The following CNBD1 variants were observed in gnomAD, a reference collection of about 807,000 sequenced individuals.
The protein encoded by CNBD1 is cyclic nucleotide binding domain containing 1.
Under a neutral mutation model 54.4 loss-of-function variants are expected in CNBD1, and 71 were observed. The observed-to-expected ratio is 1.30, with a 90% confidence interval of 1.08 to 1.59. CNBD1 has a LOEUF of 1.59. Among genes scored for constraint, CNBD1 ranks in the 40% most tolerant of loss-of-function variants. CNBD1 has a pLI of 0.00. For missense variants in CNBD1, 659 were observed against 518.0 expected (o/e 1.27, Z -2.64); for synonymous variants, 182 against 170.7 (o/e 1.07, Z -0.51).
intron 8 of CNBD1, among the ~76,000 whole-genome samples, chr8:87,315,588 T>G (rs1809368561): frequency 6.6e-6 from 1 of 151,922 alleles, no homozygotes; most frequent in Non-Finnish European, 1.5e-5. Context: ...ACTCACGCCT[T>G]ACCCCGAAGG....
At chr8:87,368,891 C>A (rs1810699428) in intron 10 of CNBD1, among the ~76,000 whole-genome samples, 1 of 151,772 alleles carries the variant, frequency 6.6e-6, no homozygotes, top group Non-Finnish European at 1.5e-5. Context: ...AAATGCCAGG[C>A]CCGCTTCCAA....
chr8:87,171,790 A>G (rs1275779311), intron 4 of CNBD1, among the ~76,000 whole-genome samples: 6 of 150,120 alleles, frequency 4.0e-5, no homozygotes, highest in African/African-American at 1.5e-4. Flanking sequence ...GGTGCCCACC[A>G]CCACGCCTGG....
chr8:87,263,603 A>C (rs1330099332), intron 6 of CNBD1, among the ~76,000 whole-genome samples: 1 of 152,210 alleles, frequency 6.6e-6, no homozygotes, highest in African/African-American at 2.4e-5. Flanking sequence ...CATCCAACGA[A>C]CACAGTTCTG....
intron 4 of CNBD1, among the ~76,000 whole-genome samples, chr8:87,039,271 G>A (rs1395741288): frequency 6.6e-6 from 1 of 151,920 alleles, no homozygotes; most frequent in African/African-American, 2.4e-5. Context: ...GTTTTTATGG[G>A]TATAAAACAT....
At chr8:87,375,212 G>A (rs537001297) in intron 10 of CNBD1, among the ~76,000 whole-genome samples, 32 of 151,848 alleles carry the variant, frequency 2.1e-4, no homozygotes, top group African/African-American at 7.7e-4. Flanking sequence ...TGTAATTAAT[G>A]CACTTTCACA....
In CNBD1 at chr8:86,905,187, G is replaced by A. The variant is rs267602036; in HGVS notation, c.265G>A (p.Glu89Lys). ...ACTTCCTAAACTTTTCAAACAGGAG[G>A]AACAAAGGTAATGATACCTTCTTTT... is the stretch of plus-strand genomic sequence containing the variant. ...PRLPKLFKQE[E>K]QRELNEGKEE... The change falls in exon 3 of 11, where the codon GAA becomes AAA. Residue 89 changes from glutamate (E) to lysine (K), a missense_variant. Transcript: ENST00000518476. 1 of 1,583,794 alleles carries A rather than the reference G, an allele frequency of 6.3e-7. No individual in the cohort carries two copies. Among genetic ancestry groups the A allele is most frequent in the Non-Finnish European group, 8.7e-7 (1 of 1,153,534 alleles).
At chr8:87,403,665 T>C (rs1807604628) in intron 2 of CNBD1, among the ~76,000 whole-genome samples, 1 of 151,992 alleles carries the variant, frequency 6.6e-6, no homozygotes, top group Admixed American at 6.6e-5. Context: ...AGTAGCTTTT[T>C]TAAAAAAATT....
At chr8:87,070,534 C>T (rs1810739739) in intron 4 of CNBD1, among the ~76,000 whole-genome samples, 1 of 152,012 alleles carries the variant, frequency 6.6e-6, no homozygotes, top group South Asian at 2.1e-4. Context: ...TCTCTGCTCT[C>T]TCAAAAATAC....
chr8:87,275,812 A>G (rs559840424), intron 6 of CNBD1, among the ~76,000 whole-genome samples: 1 of 151,820 alleles, frequency 6.6e-6, no homozygotes, highest in South Asian at 2.1e-4. Context: ...ATGATTGTAT[A>G]TCTAGAAAAC....
intron 2 of CNBD1, among the ~76,000 whole-genome samples, chr8:86,889,491 C>T (rs1808733072): frequency 6.6e-6 from 1 of 151,870 alleles, no homozygotes; most frequent in Non-Finnish European, 1.5e-5. Context: ...CACTTTTCCC[C>T]TATAATAAAA....
chr8:87,411,396 T>TCATATATA (rs1207167185), intron 2 of CNBD1, among the ~76,000 whole-genome samples: 11 of 19,178 alleles, frequency 5.7e-4, no homozygotes, highest in Admixed American at 4.2e-3. Flanking sequence ...CCTAGCTATA[T>TCATATATA]CATATATATA....
intron 8 of CNBD1, among the ~76,000 whole-genome samples, chr8:87,323,864 C>A (rs1217723099): frequency 7.5e-6 from 1 of 133,250 alleles, no homozygotes; most frequent in Admixed American, 7.4e-5. Context: ...TGAGAGAGGG[C>A]ATCTCTGTCT....
intron 4 of CNBD1, among the ~76,000 whole-genome samples, chr8:86,947,514 A>C (rs2130440168): frequency 6.6e-6 from 1 of 152,276 alleles, no homozygotes; most frequent in Admixed American, 6.5e-5. Context: ...TCTACGTTGG[A>C]CAAAAATTCT....
At chr8:87,286,745 T>C (rs1585984821) in intron 8 of CNBD1, 74 bp downstream of exon 8, 1 of 961,476 alleles carries the variant, frequency 1.0e-6, no homozygotes. Flanking sequence ...TTCATAGTTG[T>C]AATATTTTAT....
intron 4 of CNBD1, among the ~76,000 whole-genome samples, chr8:87,141,328 T>C (rs184962019): frequency 1.2e-4 from 18 of 152,288 alleles, no homozygotes; most frequent in Admixed American, 8.5e-4. Flanking sequence ...GAGTTGCATT[T>C]GATGTTGATT....
At chr8:87,326,028 G>C (rs578149603) in intron 8 of CNBD1, among the ~76,000 whole-genome samples, 26 of 111,426 alleles carry the variant, frequency 2.3e-4, no homozygotes, top group African/African-American at 4.8e-4. Flanking sequence ...GCATTTGCTT[G>C]TCTGTAAAGT....
intron 4 of CNBD1, among the ~76,000 whole-genome samples, chr8:87,177,556 T>C (rs1813225694): frequency 6.6e-6 from 1 of 152,176 alleles, no homozygotes; most frequent in Admixed American, 6.5e-5. Context: ...CAGCATCTGC[T>C]CAAAAATGTC....
intron 5 of CNBD1, among the ~76,000 whole-genome samples, chr8:87,222,184 T>G (rs2130809841): frequency 6.6e-6 from 1 of 152,208 alleles, no homozygotes; most frequent in South Asian, 2.1e-4. Flanking sequence ...TCATAGAGTT[T>G]TATCTTATTC....
intron 10 of CNBD1, among the ~76,000 whole-genome samples, chr8:87,378,984 T>C (rs1256980835): frequency 6.7e-6 from 1 of 149,596 alleles, no homozygotes; most frequent in Non-Finnish European, 1.5e-5. Context: ...GGAATGCTTG[T>C]GATTTTTGCA....
Sources: gnomAD v4.1 joint callset for allele counts (sites outside exome capture counted in the v4.1 genomes callset) on GRCh38, gnomAD v4.1.1 for gene constraint, MANE v1.5 for transcripts, NCBI Gene and HGNC (gene_info 2026-07-23, HGNC 2026-07-21) for gene names.